The following NT5DC1 variants were observed in gnomAD, a reference collection of about 807,000 sequenced individuals.
NT5DC1 encodes 5'-nucleotidase domain-containing protein 1.
NT5DC1 carries 42 observed loss-of-function variants against 59.4 expected under a neutral mutation model. The ratio of observed to expected loss-of-function variants is 0.71; its 90% CI spans 0.55 to 0.92. The LOEUF (loss-of-function observed/expected upper bound fraction) is 0.92. Among genes scored for constraint, NT5DC1 ranks in the 40% least tolerant of loss-of-function variants. The pLI, the probability that NT5DC1 is intolerant of heterozygous loss-of-function variation, is 0.00. For synonymous variants in NT5DC1, 172 were observed against 188.1 expected, an observed-to-expected ratio of 0.91 and a Z score of 0.70; for missense variants, 501 against 537.1, an observed-to-expected ratio of 0.93 and a Z score of 0.66.
In NT5DC1 at chr6:116,154,247, T is replaced by C. The variant is rs545817261; in HGVS notation, c.529+36302T>C. ...GTGAAATTTAAAAATAGTTGATAAATATATTCAATATTTTAACAAAACATC... is the reference window on the plus strand; with the variant it reads ...GTGAAATTTAAAAATAGTTGATAAACATATTCAATATTTTAACAAAACATC... On this transcript the variant is annotated intron_variant, in intron 6 of 11. Coordinates refer to ENST00000319550, the MANE Select transcript of NT5DC1 (RefSeq NM_152729.3). 5.3e-5 allele frequency among the ~76,000 whole-genome samples: 8 copies of C among 152,304 alleles called. No homozygotes were observed. In the East Asian group the frequency reaches 1.5e-3, roughly 29 times the overall value.
At chr6:116,205,096 T>C (rs955188556) in intron 6 of NT5DC1, among the ~76,000 whole-genome samples, 1 of 152,004 alleles carries the variant, frequency 6.6e-6, no homozygotes, top group Non-Finnish European at 1.5e-5. Flanking sequence ...AATACATTCA[T>C]GGGTTCTTAG....
chr6:116,144,486 C>G (rs560612839), intron 6 of NT5DC1, among the ~76,000 whole-genome samples: 3 of 150,098 alleles, frequency 2.0e-5, no homozygotes, highest in Admixed American at 6.6e-5. Flanking sequence ...GATGACAGAG[C>G]GAGACTCCGT....
intron 6 of NT5DC1, among the ~76,000 whole-genome samples, chr6:116,152,937 C>T (rs1780085438): frequency 6.6e-6 from 1 of 152,046 alleles, no homozygotes; most frequent in African/African-American, 2.4e-5. Flanking sequence ...TATAATCCTC[C>T]TCCATACTGC....
chr6:116,108,271 T>C, intron 2 of NT5DC1, 93 bp from the exon 3 acceptor site: 1 of 797,116 alleles, frequency 1.3e-6, no homozygotes, highest in Non-Finnish European at 2.2e-6. Flanking sequence ...CAGAATCCCT[T>C]TTTAGCATTA....
intron 6 of NT5DC1, among the ~76,000 whole-genome samples, chr6:116,139,723 A>G (rs1325616318): frequency 6.6e-6 from 1 of 152,070 alleles, no homozygotes; most frequent in Non-Finnish European, 1.5e-5. Flanking sequence ...CTTTCTTGTC[A>G]TGGGAGTAAG....
rs1276675258 is a variant in NT5DC1, at chr6:116,249,072, C to A, written c.*5048C>A. On this transcript the variant is annotated 3_prime_UTR_variant, in exon 12 of 12. Transcript: ENST00000319550. Reference sequence around the variant, plus strand: ...GTATAATAAAGCTTGAAACAGGTGGCTGACAATGCAGAAATCAATCACTGA... The same window carrying A: ...GTATAATAAAGCTTGAAACAGGTGGATGACAATGCAGAAATCAATCACTGA... The A allele has an allele frequency of 6.6e-6, 1 of 152,146 alleles. No homozygotes were observed. Among genetic ancestry groups the A allele is most frequent in the Non-Finnish European group, 1.5e-5 (1 of 68,022 alleles). 9.4% of individuals were successfully genotyped at this position (152,146 alleles called of 1,614,324 possible). A position where few individuals can be genotyped will look rare whatever the true frequency, so the allele number is the denominator to read the frequency against.
chr6:116,212,732 T>G (rs1236699895), intron 6 of NT5DC1, among the ~76,000 whole-genome samples: 1 of 152,116 alleles, frequency 6.6e-6, no homozygotes, highest in Non-Finnish European at 1.5e-5. Context: ...ATATTCATTT[T>G]TTACTGCTAT....
chr6:116,198,075 A>G (rs974367416), intron 6 of NT5DC1, among the ~76,000 whole-genome samples: 4 of 152,016 alleles, frequency 2.6e-5, no homozygotes, highest in Admixed American at 6.6e-5. Flanking sequence ...AAATCTTCCA[A>G]GAGAGATCCT....
At chr6:116,190,763 G>A (rs746199136) in intron 6 of NT5DC1, among the ~76,000 whole-genome samples, 1 of 151,990 alleles carries the variant, frequency 6.6e-6, no homozygotes, top group Non-Finnish European at 1.5e-5. Flanking sequence ...TATGTAAAAC[G>A]TCTGGAAAGA....
intron 6 of NT5DC1, among the ~76,000 whole-genome samples, chr6:116,187,199 T>G (rs1781019503): frequency 6.6e-6 from 1 of 151,950 alleles, no homozygotes; most frequent in Admixed American, 6.6e-5. Flanking sequence ...CTGCACAGAG[T>G]CCTGTGATGT....
chr6:116,114,978 G>C (rs1778938312), intron 4 of NT5DC1, among the ~76,000 whole-genome samples: 1 of 152,196 alleles, frequency 6.6e-6, no homozygotes, highest in South Asian at 2.1e-4. Context: ...GCTGCAATCA[G>C]ACGCAGGCCA....
At chr6:116,162,819 C>T (rs976344901) in intron 6 of NT5DC1, among the ~76,000 whole-genome samples, 12 of 152,114 alleles carry the variant, frequency 7.9e-5, no homozygotes, top group African/African-American at 2.9e-4. Context: ...TCCTCCTCCT[C>T]AATTTAAAAA....
chr6:116,199,306 G>C (rs1181282473), intron 6 of NT5DC1, among the ~76,000 whole-genome samples: 2 of 151,976 alleles, frequency 1.3e-5, no homozygotes, highest in Admixed American at 1.3e-4. Context: ...TTGTTAATCT[G>C]GTCTTTGATG....
intron 6 of NT5DC1, among the ~76,000 whole-genome samples, chr6:116,173,202 G>A (rs1395025907): frequency 6.6e-6 from 1 of 152,118 alleles, no homozygotes. Context: ...TTCATCTAAA[G>A]TGTAAACTAT....
At chr6:116,151,105 C>T (rs146039155) in intron 6 of NT5DC1, among the ~76,000 whole-genome samples, 122 of 152,212 alleles carry the variant, frequency 8.0e-4, no homozygotes, top group African/African-American at 2.8e-3. Flanking sequence ...TTAGAATTTG[C>T]AGCTCCTAAT....
chr6:116,240,918 C>T (rs547053311), intron 11 of NT5DC1, among the ~76,000 whole-genome samples: 6 of 151,818 alleles, frequency 4.0e-5, no homozygotes, highest in African/African-American at 9.7e-5. Context: ...CCGAGGTGGG[C>T]GGATCACCTG....
intron 6 of NT5DC1, among the ~76,000 whole-genome samples, chr6:116,168,090 T>G (rs1780515976): frequency 6.6e-6 from 1 of 151,176 alleles, no homozygotes; most frequent in South Asian, 2.1e-4. Context: ...TGTCTTTTTT[T>G]TTTTTTTTTT....
In NT5DC1 at chr6:116,115,749, G is replaced by A. The variant is rs753769261; in HGVS notation, c.423G>A (p.Arg141=). 6.3e-6 allele frequency: 10 copies of A among 1,590,806 alleles called. No individual in the cohort carries two copies. Among genetic ancestry groups the A allele is most frequent in the Non-Finnish European group, 6.0e-6 (7 of 1,159,046 alleles). The change falls in exon 5 of 12, where the codon AGG becomes AGA. Residue 141 remains arginine (R), a synonymous_variant. Transcript: ENST00000319550. ...FDLPGALLCA[R]VVDYLTKLNN... ...TGCCAGGAGCTCTTCTGTGTGCCAGGGTGGTGGACTATTTAACAAAAGTAA... is the reference window on the plus strand; with the variant it reads ...TGCCAGGAGCTCTTCTGTGTGCCAGAGTGGTGGACTATTTAACAAAAGTAA...
At chr6:116,122,609 A>G (rs1332483127) in intron 6 of NT5DC1, among the ~76,000 whole-genome samples, 2 of 152,242 alleles carry the variant, frequency 1.3e-5, no homozygotes, top group African/African-American at 4.8e-5. Flanking sequence ...TTGATTTCAT[A>G]GAGCTGTGAG....
Sources: allele counts gnomAD v4.1 joint callset (sites outside exome capture counted in the v4.1 genomes callset), GRCh38; gene constraint gnomAD v4.1.1; transcripts MANE v1.5; gene names NCBI Gene and HGNC (gene_info 2026-07-23, HGNC 2026-07-21).